Variants in PPARGC1A observed in about 807,000 individuals in gnomAD.
PPARGC1A encodes PPARG coactivator 1 alpha, also known as peroxisome proliferator-activated receptor gamma coactivator 1-alpha.
Under a neutral mutation model 88.7 loss-of-function variants are expected in PPARGC1A, and 25 were observed. The observed-to-expected ratio is 0.28, with a 90% CI of 0.21 to 0.39. The LOEUF is 0.39. Ranked by LOEUF, PPARGC1A falls within the 10% of genes least tolerant of loss-of-function variation. The pLI, the probability that PPARGC1A is intolerant of heterozygous loss-of-function variation, is 1.00. For synonymous variants in PPARGC1A, 363 were observed against 355.6 expected (o/e 1.02, Z -0.24); for missense variants, 880 against 968.7 (o/e 0.91, Z 1.22).
chr4:24,206,815 T>C, the PPARGC1A span, among the ~76,000 whole-genome samples: 1 of 125,290 alleles, frequency 8.0e-6, no homozygotes, highest in South Asian at 2.7e-4. Flanking sequence ...CATTCCAGTC[T>C]GGGTGACGGA....
the PPARGC1A span, among the ~76,000 whole-genome samples, chr4:24,078,149 G>A: frequency 4.6e-5 from 7 of 151,730 alleles, no homozygotes; most frequent in Non-Finnish European, 1.0e-4. Context: ...TCACATTAGA[G>A]GCCTTCCAAG....
At chr4:23,961,657 A>T in the PPARGC1A span, among the ~76,000 whole-genome samples, 1 of 152,198 alleles carries the variant, frequency 6.6e-6, no homozygotes, top group African/African-American at 2.4e-5. Flanking sequence ...TCCCTGTGGT[A>T]ATTGGGACAG....
chr4:23,910,174 TAATA>T, the PPARGC1A span, among the ~76,000 whole-genome samples: 94 of 117,762 alleles, frequency 8.0e-4, no homozygotes, highest in African/African-American at 2.1e-3. Context: ...ATATAATATA[TAATA>T]AATATATATA....
the PPARGC1A span, among the ~76,000 whole-genome samples, chr4:24,048,471 G>A: frequency 1.3e-5 from 2 of 152,062 alleles, no homozygotes; most frequent in Non-Finnish European, 2.9e-5. Context: ...ATATATATGA[G>A]AGCATTTCTT....
chr4:24,372,339 C>T, the PPARGC1A span, among the ~76,000 whole-genome samples: 1 of 152,188 alleles, frequency 6.6e-6, no homozygotes, highest in Admixed American at 6.5e-5. Flanking sequence ...CACACCAGGG[C>T]TCACACCTAG....
chr4:23,837,567 AG>A (rs1190959375), intron 2 of PPARGC1A, among the ~76,000 whole-genome samples: 9 of 152,158 alleles, frequency 5.9e-5, no homozygotes, highest in South Asian at 2.1e-4. Context: ...AGCATGCCCC[AG>A]GCTTCCTCCT....
the PPARGC1A span, among the ~76,000 whole-genome samples, chr4:24,101,571 A>G: frequency 1.3e-5 from 2 of 152,242 alleles, no homozygotes; most frequent in African/African-American, 4.8e-5. Context: ...GTAACAAAAT[A>G]TCACACGTAC....
chr4:23,997,353 T>G, the PPARGC1A span, among the ~76,000 whole-genome samples: 1 of 152,132 alleles, frequency 6.6e-6, no homozygotes, highest in Admixed American at 6.5e-5. Context: ...AAATCCTTTT[T>G]TTTATCTAAG....
the PPARGC1A span, among the ~76,000 whole-genome samples, chr4:24,011,224 T>G: frequency 6.6e-5 from 10 of 152,274 alleles, 1 homozygote; most frequent in African/African-American, 2.2e-4. Context: ...GTCAAAACTT[T>G]CTGTCCCTTC....
intron 8 of PPARGC1A, 23 bp downstream of exon 8, chr4:23,813,667 A>G: frequency 6.7e-7 from 1 of 1,493,004 alleles, no homozygotes. Flanking sequence ...CTTTTGTGTT[A>G]TTAGGGTTTT....
the PPARGC1A span, among the ~76,000 whole-genome samples, chr4:24,257,373 G>T: frequency 2.0e-5 from 3 of 152,056 alleles, no homozygotes; most frequent in Non-Finnish European, 4.4e-5. Flanking sequence ...GATTTTAAAG[G>T]GTGACAGCCA....
chr4:24,353,029 G>T, the PPARGC1A span, among the ~76,000 whole-genome samples: 1 of 152,166 alleles, frequency 6.6e-6, no homozygotes, highest in Non-Finnish European at 1.5e-5. Flanking sequence ...TTCTCTCTGG[G>T]TGACATGTGG....
At chr4:24,423,461 TCA>T in the PPARGC1A span, among the ~76,000 whole-genome samples, 1 of 151,568 alleles carries the variant, frequency 6.6e-6, no homozygotes, top group African/African-American at 2.4e-5. Flanking sequence ...TAACTATTTC[TCA>T]CTAATCAAAG....
the PPARGC1A span, among the ~76,000 whole-genome samples, chr4:23,918,493 A>G: frequency 1.4e-4 from 22 of 152,198 alleles, no homozygotes; most frequent in Non-Finnish European, 3.1e-4. Flanking sequence ...TGCTGGGAAT[A>G]CAGGTGTGAG....
chr4:23,867,170 T>G (rs547305630), intron 2 of PPARGC1A, among the ~76,000 whole-genome samples: 15 of 152,314 alleles, frequency 9.8e-5, no homozygotes, highest in African/African-American at 3.4e-4. Flanking sequence ...ACATTTTTAC[T>G]CCTCTATGTG....
the PPARGC1A span, among the ~76,000 whole-genome samples, chr4:24,131,477 A>G: frequency 2.0e-5 from 3 of 152,260 alleles, no homozygotes; most frequent in Non-Finnish European, 4.4e-5. Context: ...GCCAGTGCCC[A>G]TCAGTAACTA....
chr4:23,962,978 G>C, the PPARGC1A span, among the ~76,000 whole-genome samples: 1 of 152,154 alleles, frequency 6.6e-6, no homozygotes, highest in South Asian at 2.1e-4. Context: ...ATGAGCGGGG[G>C]AAAGTGTTTC....
the PPARGC1A span, among the ~76,000 whole-genome samples, chr4:24,315,766 G>A: frequency 4.6e-5 from 7 of 152,130 alleles, no homozygotes; most frequent in African/African-American, 1.4e-4. Flanking sequence ...CCCACAACAA[G>A]GAGTCATCTG....
the PPARGC1A span, among the ~76,000 whole-genome samples, chr4:23,914,608 C>T: frequency 6.6e-6 from 1 of 152,216 alleles, no homozygotes; most frequent in Non-Finnish European, 1.5e-5. Flanking sequence ...TTTGTCCCAT[C>T]CCTATATAAG....
Sources: gnomAD v4.1 joint callset for allele counts (sites outside exome capture counted in the v4.1 genomes callset) on GRCh38, gnomAD v4.1.1 for gene constraint, MANE v1.5 for transcripts, NCBI Gene and HGNC (gene_info 2026-07-23, HGNC 2026-07-21) for gene names.